The following NTRK2 variants were observed in gnomAD, a reference collection of about 807,000 sequenced individuals.
NTRK2 encodes neurotrophic receptor tyrosine kinase 2, also known as BDNF/NT-3 growth factors receptor.
In NTRK2, 13 loss-of-function variants were observed where a neutral mutation model predicts 94.5. That is an observed-to-expected ratio of 0.14 (90% CI 0.09 to 0.22). The LOEUF is 0.22. NTRK2 is among the 10% of genes least tolerant of loss of function. The probability of loss-of-function intolerance (pLI) is 1.00; values close to 1 mark genes in which losing one functional copy is unlikely to be tolerated. For synonymous variants in NTRK2, 372 were observed against 407.4 expected (o/e 0.91, Z 1.05); for missense variants, 639 against 1,071.2 (o/e 0.60, Z 5.63).
At chr9:84,891,273 G>A (rs954138425) in intron 14 of NTRK2, among the ~76,000 whole-genome samples, 14 of 132,046 alleles carry the variant, frequency 1.1e-4, no homozygotes, top group African/African-American at 4.3e-4. Flanking sequence ...GAAAGCTTAG[G>A]TTCTAGAATG....
chr9:84,775,711 G>A (rs534326993), intron 12 of NTRK2, among the ~76,000 whole-genome samples: 12 of 152,240 alleles, frequency 7.9e-5, no homozygotes, highest in African/African-American at 2.9e-4. Flanking sequence ...TATAGTTTAT[G>A]CAGATATAAG....
chr9:84,673,160 C>T (rs1471339747), intron 2 of NTRK2, among the ~76,000 whole-genome samples: 3 of 152,166 alleles, frequency 2.0e-5, no homozygotes, highest in African/African-American at 7.2e-5. Context: ...GTTTGTGCCC[C>T]AGTGCCTTTG....
intron 12 of NTRK2, among the ~76,000 whole-genome samples, chr9:84,848,565 GA>G (rs2074588288): frequency 6.6e-6 from 1 of 152,156 alleles, no homozygotes; most frequent in African/African-American, 2.4e-5. Flanking sequence ...CATCAGGCAA[GA>G]GACCTTTATG....
At chr9:84,798,247 T>A (rs1233290152) in intron 12 of NTRK2, among the ~76,000 whole-genome samples, 1 of 152,074 alleles carries the variant, frequency 6.6e-6, no homozygotes, top group East Asian at 1.9e-4. Context: ...TCATGAGGGC[T>A]CCACCCTCAT....
chr9:84,882,719 T>TGTGTGTGTGCGC (rs761042296), intron 14 of NTRK2, among the ~76,000 whole-genome samples: 1 of 145,742 alleles, frequency 6.9e-6, no homozygotes, highest in African/African-American at 2.6e-5. Context: ...TGTGTGTGTG[T>TGTGTGTGTGCGC]GCGCGCGCGC....
chr9:84,892,111 T>C (rs2076613460), intron 14 of NTRK2, among the ~76,000 whole-genome samples: 1 of 152,134 alleles, frequency 6.6e-6, no homozygotes. Flanking sequence ...AAATCATATA[T>C]CTAAATGTAT....
At position 85,022,471 on chromosome 9, in the gene NTRK2, A is replaced by G; in HGVS notation, c.*1034A>G. The G allele has an allele frequency of 4.3e-6, 1 of 233,250 alleles. No homozygotes were observed. The highest frequency in any genetic ancestry group is 8.5e-6 in the Non-Finnish European group (1 of 118,002). 14.4% of individuals were successfully genotyped at this position (233,250 alleles called of 1,614,324 possible). A position where few individuals can be genotyped will look rare whatever the true frequency, so the allele number is the denominator to read the frequency against. On this transcript the variant is annotated 3_prime_UTR_variant, in exon 19 of 19. Transcript: ENST00000277120. The stretch of plus-strand genomic sequence containing the variant: ...AGAGGTGGATTCATGTCCAGAGCTC[A>G]TTTCGGGGTCAGGTGGGAAAGCCAA...
chr9:84,744,988 C>T lies in NTRK2; in HGVS notation c.1211C>T (p.Ala404Val), dbSNP rs556985581. The change falls in exon 11 of 19, where the codon GCG becomes GTG. Residue 404 changes from alanine (A) to valine (V), a missense_variant. Ala to Val is a moderately conservative substitution (Grantham distance 64, BLOSUM62 0). Around this residue, in one of 5 missense-constraint regions of NTRK2, gnomAD observed 343 missense variants for 571.5 expected, o/e 0.60. Transcript: ENST00000277120. The stretch of plus-strand genomic sequence containing the variant: ...CCCACTTAAGATTATGGAACTGCAG[C>T]GAATGACATCGGGGACACCACGAAC... The part of the protein sequence containing the change: ...DVIYEDYGTA[A>V]NDIGDTTNRS... The T allele has an allele frequency of 1.1e-5, 18 of 1,613,428 alleles. No individual in the cohort carries two copies. Among genetic ancestry groups the T allele is most frequent in the Middle Eastern group, 1.7e-4 (1 of 6,056 alleles).
intron 14 of NTRK2, among the ~76,000 whole-genome samples, chr9:84,894,379 A>ATGGAC (rs1250714391): frequency 1.3e-5 from 2 of 152,204 alleles, no homozygotes; most frequent in African/African-American, 2.4e-5. Flanking sequence ...TTATTGGGAC[A>ATGGAC]TGGACTGCTG....
chr9:84,979,029 T>A (rs940411468), intron 17 of NTRK2, among the ~76,000 whole-genome samples: 1 of 152,254 alleles, frequency 6.6e-6, no homozygotes, highest in Non-Finnish European at 1.5e-5. Context: ...AAGCACCTGG[T>A]TACCCAACAG....
intron 17 of NTRK2, among the ~76,000 whole-genome samples, chr9:84,983,407 C>T (rs780185096): frequency 4.6e-5 from 7 of 152,208 alleles, no homozygotes; most frequent in Non-Finnish European, 1.0e-4. Context: ...GGGCCTTCCT[C>T]TTTGGGAATT....
chr9:84,884,626 G>A (rs539518580), intron 14 of NTRK2, among the ~76,000 whole-genome samples: 22 of 152,274 alleles, frequency 1.4e-4, no homozygotes, highest in Admixed American at 1.4e-3. Context: ...ATATCACGAC[G>A]TTTGTGAGTC....
chr9:84,789,858 AT>A (rs1469508712), intron 12 of NTRK2, among the ~76,000 whole-genome samples: 16 of 152,232 alleles, frequency 1.1e-4, no homozygotes, highest in African/African-American at 3.9e-4. Flanking sequence ...TTATTTGGTG[AT>A]TGGTAACTAA....
At chr9:84,802,471 T>G (rs1200145186) in intron 12 of NTRK2, among the ~76,000 whole-genome samples, 1 of 151,984 alleles carries the variant, frequency 6.6e-6, no homozygotes, top group Non-Finnish European at 1.5e-5. Context: ...ACCACTGAGG[T>G]TGGCACACGC....
intron 2 of NTRK2, among the ~76,000 whole-genome samples, chr9:84,688,901 A>G (rs781149069): frequency 4.6e-5 from 7 of 152,108 alleles, no homozygotes; most frequent in Admixed American, 3.3e-4. Flanking sequence ...CTGTTGTAAC[A>G]TTGGTGGGTT....
chr9:85,002,661 G>T (rs935948080), intron 17 of NTRK2, among the ~76,000 whole-genome samples: 6 of 152,186 alleles, frequency 3.9e-5, no homozygotes. Context: ...ACACTGTAAA[G>T]AACTAGCCAT....
At chr9:84,967,362 C>T (rs976166520) in intron 17 of NTRK2, among the ~76,000 whole-genome samples, 1 of 152,224 alleles carries the variant, frequency 6.6e-6, no homozygotes, top group South Asian at 2.1e-4. Flanking sequence ...GGTTGTGTAT[C>T]TGTGTGGGTG....
Position 84,724,220 on chromosome 9 carries a change from G to T in NTRK2, c.721-4G>T, listed in dbSNP as rs755768327. The T allele has an allele frequency of 1.2e-6, 2 of 1,614,016 alleles. No homozygotes were observed. Among genetic ancestry groups the T allele is most frequent in the South Asian group, 2.2e-5 (2 of 91,078 alleles). On this transcript the variant is annotated splice_region_variant and splice_polypyrimidine_tract_variant and intron_variant, in intron 7 of 18. Transcript: ENST00000277120. ...GTTATTTTTGTCTGTTAATTCATTTGTAGAATGAAACAAGCCACACACAGG... is the reference window on the plus strand; with the variant it reads ...GTTATTTTTGTCTGTTAATTCATTTTTAGAATGAAACAAGCCACACACAGG...
chr9:84,854,900 T>C (rs1164272142), intron 12 of NTRK2, among the ~76,000 whole-genome samples: 2 of 128,340 alleles, frequency 1.6e-5, no homozygotes, highest in African/African-American at 3.1e-5. Flanking sequence ...TGGGCTGAGA[T>C]TGCACCACTG....
Sources: gnomAD v4.1 joint callset for allele counts (sites outside exome capture counted in the v4.1 genomes callset) on GRCh38, gnomAD v4.1.1 for gene constraint, gnomAD v4.1.1 regional missense constraint, MANE v1.5 for transcripts, NCBI Gene and HGNC (gene_info 2026-07-23, HGNC 2026-07-21) for gene names.